Variants in CDH12 observed in about 807,000 individuals in gnomAD.
CDH12 encodes cadherin-12.
A neutral mutation model predicts 74.1 loss-of-function variants in CDH12; 41 were observed. The ratio of observed to expected loss-of-function variants is 0.55; its 90% CI spans 0.43 to 0.72. The LOEUF (loss-of-function observed/expected upper bound fraction) is 0.72. Ranked by LOEUF, CDH12 falls within the 30% of genes least tolerant of loss-of-function variation. The pLI, the probability that CDH12 is intolerant of heterozygous loss-of-function variation, is 0.00. For synonymous variants in CDH12, 399 were observed against 355.0 expected, an observed-to-expected ratio of 1.12 and a Z score of -1.39; for missense variants, 945 against 977.2, an observed-to-expected ratio of 0.97 and a Z score of 0.44.
chr5:22,078,611 T>A lies in CDH12; in HGVS notation c.66A>T (p.Pro22=), dbSNP rs746416205. ...WVLFDGGLLT[P]LQPQPQQTLA... is the part of the protein sequence containing the mutation. ...AAGTCTGCTGTGGCTGTGGTTGTAGTGGTGTTAGGAGACCTCCATCAAACA... is the reference window on the plus strand; with the variant it reads ...AAGTCTGCTGTGGCTGTGGTTGTAGAGGTGTTAGGAGACCTCCATCAAACA... The change falls in exon 5 of 15, where the codon CCA becomes CCT. Residue 22 remains proline (P), a synonymous_variant. Coordinates refer to ENST00000382254, the MANE Select transcript of CDH12 (RefSeq NM_004061.5). The A allele has an allele frequency of 1.2e-6, 2 of 1,613,910 alleles. No homozygotes were observed.
chr5:22,782,700 T>C (rs140505370), intron 1 of CDH12, among the ~76,000 whole-genome samples: 12 of 152,294 alleles, frequency 7.9e-5, no homozygotes, highest in Non-Finnish European at 1.2e-4. Flanking sequence ...AGTTTGATGA[T>C]ATCCTCCAAG....
At chr5:22,396,291 G>A (rs1358641179) in intron 3 of CDH12, among the ~76,000 whole-genome samples, 2 of 152,104 alleles carry the variant, frequency 1.3e-5, no homozygotes, top group African/African-American at 2.4e-5. Flanking sequence ...AGAGGGCACT[G>A]AGGACTATAA....
At chr5:22,190,744 A>G (rs1728237732) in intron 4 of CDH12, among the ~76,000 whole-genome samples, 1 of 152,148 alleles carries the variant, frequency 6.6e-6, no homozygotes, top group Admixed American at 6.5e-5. Context: ...GACCTGCCAG[A>G]GCTCTTGTCT....
chr5:22,045,098 A>T (rs1311390963), intron 5 of CDH12, among the ~76,000 whole-genome samples: 2 of 152,190 alleles, frequency 1.3e-5, no homozygotes, highest in Admixed American at 1.3e-4. Flanking sequence ...AATCAAACAA[A>T]CCAACTAATA....
chr5:22,754,691 T>C (rs762700706), intron 1 of CDH12, among the ~76,000 whole-genome samples: 1 of 151,912 alleles, frequency 6.6e-6, no homozygotes, highest in Non-Finnish European at 1.5e-5. Context: ...GACGGAGCAA[T>C]ACATGAGTCT....
At chr5:21,933,927 C>T (rs147641800) in intron 6 of CDH12, among the ~76,000 whole-genome samples, 9 of 152,280 alleles carry the variant, frequency 5.9e-5, no homozygotes, top group Admixed American at 3.9e-4. Context: ...ACAGAAAGCA[C>T]GAAGCAGTCA....
At chr5:22,650,425 G>T (rs1051885908) in intron 1 of CDH12, among the ~76,000 whole-genome samples, 1 of 152,050 alleles carries the variant, frequency 6.6e-6, no homozygotes, top group African/African-American at 2.4e-5. Flanking sequence ...AAATATTAGA[G>T]ATTTAAACTG....
chr5:22,266,853 A>G (rs1736143650), intron 3 of CDH12, among the ~76,000 whole-genome samples: 1 of 152,166 alleles, frequency 6.6e-6, no homozygotes, highest in Non-Finnish European at 1.5e-5. Context: ...AAAATCTTTA[A>G]TTATCTGAAT....
chr5:22,387,138 G>A (rs1417357565), intron 3 of CDH12, among the ~76,000 whole-genome samples: 1 of 151,932 alleles, frequency 6.6e-6, no homozygotes, highest in African/African-American at 2.4e-5. Flanking sequence ...CTAGAAAATA[G>A]AGGATGCTTT....
At chr5:22,366,932 A>G (rs981757658) in intron 3 of CDH12, among the ~76,000 whole-genome samples, 1 of 152,152 alleles carries the variant, frequency 6.6e-6, no homozygotes, top group African/African-American at 2.4e-5. Flanking sequence ...CTAACCTTCA[A>G]TTTTGTCTTT....
chr5:22,526,315 A>G (rs1027921194), intron 1 of CDH12, among the ~76,000 whole-genome samples: 2 of 152,192 alleles, frequency 1.3e-5, no homozygotes, highest in Non-Finnish European at 2.9e-5. Context: ...AATGTCATCA[A>G]TGGTAATAGA....
chr5:21,847,233 G>T (rs1483441487), intron 7 of CDH12, among the ~76,000 whole-genome samples: 3 of 152,054 alleles, frequency 2.0e-5, no homozygotes, highest in African/African-American at 7.2e-5. Context: ...AGCCAGAAAT[G>T]TTCTTTCCAA....
At chr5:22,343,056 T>C (rs1739945007) in intron 3 of CDH12, among the ~76,000 whole-genome samples, 1 of 151,972 alleles carries the variant, frequency 6.6e-6, no homozygotes, top group African/African-American at 2.4e-5. Context: ...GGTTTCACTA[T>C]GTTGGCCAGG....
At chr5:21,865,538 A>T (rs1751280269) in intron 6 of CDH12, among the ~76,000 whole-genome samples, 1 of 152,016 alleles carries the variant, frequency 6.6e-6, no homozygotes, top group Non-Finnish European at 1.5e-5. Context: ...CCCTCCACAG[A>T]CTCACTGCTG....
At chr5:22,266,264 C>T (rs980078387) in intron 3 of CDH12, among the ~76,000 whole-genome samples, 20 of 151,796 alleles carry the variant, frequency 1.3e-4, no homozygotes, top group African/African-American at 3.4e-4. Context: ...TTAGTAGAGA[C>T]GGGGTTTCAC....
intron 3 of CDH12, among the ~76,000 whole-genome samples, chr5:22,265,359 C>A (rs1753667370): frequency 6.6e-6 from 1 of 152,136 alleles, no homozygotes; most frequent in Non-Finnish European, 1.5e-5. Context: ...TCTGGAAAAT[C>A]TGTAACAGTC....
intron 5 of CDH12, among the ~76,000 whole-genome samples, chr5:22,024,482 A>T (rs1580128790): frequency 6.6e-6 from 1 of 152,270 alleles, no homozygotes; most frequent in South Asian, 2.1e-4. Context: ...TCATGCATAA[A>T]GGTAAATTTA....
rs768945480 is a variant in CDH12, at chr5:22,452,880, C to CAAAAAAAAAAAAA, written c.-427-47542_-427-47530dup. On this transcript the variant is annotated intron_variant, in intron 2 of 14. Transcript: ENST00000382254. Reference sequence around the variant, plus strand: ...ATAAGAAACTCAAACAACCTAAGAGCAAAAAAAAAAAAAAAAAAAAAAAAT... The same window carrying CAAAAAAAAAAAAA: ...ATAAGAAACTCAAACAACCTAAGAGCAAAAAAAAAAAAAAAAAAAAAAAAAAAAAAAAAAAAAT... Among the ~76,000 whole-genome samples, 57 of 32,182 alleles carry CAAAAAAAAAAAAA rather than the reference C, an allele frequency of 1.8e-3. 1 individual carries two copies. The highest frequency in any genetic ancestry group is 2.3e-3 in the African/African-American group (16 of 6,868). The allele number at this position is 32,182 out of a possible 152,430, so 21.1% of individuals were successfully genotyped here.
chr5:22,246,073 C>T (rs1003347526), intron 3 of CDH12, among the ~76,000 whole-genome samples: 8 of 152,144 alleles, frequency 5.3e-5, no homozygotes, highest in Admixed American at 3.3e-4. Context: ...CATACAAATT[C>T]TACACTAACC....
Sources: gnomAD v4.1 joint callset for allele counts (sites outside exome capture counted in the v4.1 genomes callset) on GRCh38, gnomAD v4.1.1 for gene constraint, MANE v1.5 for transcripts, NCBI Gene and HGNC (gene_info 2026-07-23, HGNC 2026-07-21) for gene names.